BOC: variants seen among roughly 807,000 people sequenced by gnomAD.
BOC encodes brother of CDO.
Under a neutral mutation model 112.0 loss-of-function variants are expected in BOC, and 76 were observed. The observed-to-expected ratio is 0.68, with a 90% CI of 0.56 to 0.82. BOC has a LOEUF of 0.82. Ranked by LOEUF, BOC falls within the 40% of genes least tolerant of loss-of-function variation. The pLI, the probability that BOC is intolerant of heterozygous loss-of-function variation, is 0.00. For synonymous variants in BOC, 580 were observed against 599.8 expected (o/e 0.97, Z 0.48); for missense variants, 1,309 against 1,511.7 (o/e 0.87, Z 2.22).
At position 113,250,583 on chromosome 3, in the gene BOC, T is replaced by C. The variant is rs754585082; in HGVS notation, c.126T>C (p.Pro42=). Residue 42 remains proline (P), a synonymous_variant, in exon 4 of 20, where the codon CCT becomes CCC. Transcript: ENST00000682979. The stretch of plus-strand genomic sequence containing the variant: ...AGGTCCCTCAGGTCACCGTCCAGCC[T>C]GCGTCCACCGTCCAGAAGCCCGGAG... ...LNEVPQVTVQ[P]ASTVQKPGGT... 5.6e-6 allele frequency: 9 copies of C among 1,613,712 alleles called. No homozygotes were observed. The highest frequency in any genetic ancestry group is 7.6e-6 in the Non-Finnish European group (9 of 1,179,844).
chr3:113,257,417 A>G (rs544748642), intron 4 of BOC, among the ~76,000 whole-genome samples: 44 of 152,324 alleles, frequency 2.9e-4, no homozygotes, highest in African/African-American at 1.0e-3. Context: ...TGGCAGAGGC[A>G]TATTGTTTGG....
At chr3:113,260,149 G>A (rs1412808775) in intron 4 of BOC, among the ~76,000 whole-genome samples, 1 of 152,046 alleles carries the variant, frequency 6.6e-6, no homozygotes, top group African/African-American at 2.4e-5. Flanking sequence ...CTGTCCACGG[G>A]GCCTGGCACA....
Position 113,283,399 on chromosome 3 carries a change from C to A in BOC, c.2435-12C>A. 1.9e-6 allele frequency: 3 copies of A among 1,578,450 alleles called. No homozygotes were observed. The highest frequency in any genetic ancestry group is 1.7e-6 in the Non-Finnish European group (2 of 1,157,842). ...AAACATATGCTGAAGTGAGTTTTGT[C>A]CACAATTACAGCTCGGAAGTCTTCT... is the stretch of plus-strand genomic sequence containing the variant. On this transcript the variant is annotated splice_polypyrimidine_tract_variant and intron_variant, in intron 15 of 19. Coordinates refer to ENST00000682979, the MANE Select transcript of BOC (RefSeq NM_001378074.1).
At chr3:113,272,116 C>T in intron 6 of BOC, 1 of 485,508 alleles carries the variant, frequency 2.1e-6, no homozygotes, top group Admixed American at 3.4e-5. Context: ...ACTCCCTCAC[C>T]TTTCTCTCTT....
chr3:113,247,240 G>A (rs1019109321), intron 2 of BOC, among the ~76,000 whole-genome samples: 23 of 152,044 alleles, frequency 1.5e-4, no homozygotes, highest in African/African-American at 5.3e-4. Context: ...TTAAGGGCCT[G>A]GGGAAATTGG....
rs768341516 is a variant in BOC at position 113,286,830 on chromosome 3, G to T, written c.3316G>T (p.Val1106Leu). 2.5e-6 allele frequency: 4 copies of T among 1,602,632 alleles called. No individual in the cohort carries two copies. The highest frequency in any genetic ancestry group is 3.4e-6 in the Non-Finnish European group (4 of 1,175,350). The stretch of plus-strand genomic sequence containing the variant: ...GCTCTCCCCGGGGCCACTGGTGCGT[G>T]TGTCTTTTGAAACACCACCTCTCAC... ...MQLSPGPLVR[V>L]SFETPPLTI is the part of the protein sequence containing the mutation. The change falls in exon 20 of 20, where the codon GTG becomes TTG. Residue 1106 changes from valine to leucine, a missense_variant. By Grantham distance (32) the Val-to-Leu change is conservative. Coordinates refer to ENST00000682979, the MANE Select transcript of BOC (RefSeq NM_001378074.1).
chr3:113,257,964 A>G (rs2107498408), intron 4 of BOC, among the ~76,000 whole-genome samples: 3 of 152,346 alleles, frequency 2.0e-5, no homozygotes, highest in East Asian at 3.9e-4. Flanking sequence ...GCCATTGAAC[A>G]TCTCTCAGTC....
intron 9 of BOC, among the ~76,000 whole-genome samples, chr3:113,275,711 C>A (rs114497431): frequency 2.9e-4 from 44 of 152,328 alleles, no homozygotes; most frequent in African/African-American, 9.9e-4. Context: ...CACTCCTCCC[C>A]ACCTCCACAA....
At chr3:113,254,727 T>G (rs909182737) in intron 4 of BOC, among the ~76,000 whole-genome samples, 1 of 152,246 alleles carries the variant, frequency 6.6e-6, no homozygotes, top group Admixed American at 6.5e-5. Context: ...CACAAAGCAG[T>G]TGCTGTCTGG....
intron 4 of BOC, among the ~76,000 whole-genome samples, chr3:113,265,691 A>T (rs1314870646): frequency 1.3e-5 from 2 of 152,238 alleles, no homozygotes; most frequent in Admixed American, 1.3e-4. Context: ...CTCATTAGCT[A>T]TCTTGGCTGA....
Position 113,281,036 on chromosome 3 carries a change from A to AG in BOC, c.2317_2318insG (p.Lys773ArgfsTer18). 3.1e-6 allele frequency: 5 copies of AG among 1,614,034 alleles called. No individual in the cohort carries two copies. Among genetic ancestry groups the AG allele is most frequent in the Non-Finnish European group, 4.2e-6 (5 of 1,180,008 alleles). ...TCTCTGACTCTGTTTCCCAGGGGAC[A>AG]AGTACTGGCACTCCATCAGCCACCT... On this transcript the variant is annotated frameshift_variant, in exon 15 of 20. Transcript: ENST00000682979. LOFTEE classifies it high-confidence loss of function.
intron 4 of BOC, among the ~76,000 whole-genome samples, chr3:113,266,736 C>T (rs930594695): frequency 6.6e-6 from 1 of 152,168 alleles, no homozygotes; most frequent in Non-Finnish European, 1.5e-5. Flanking sequence ...CAGACAGGAA[C>T]AAAACTCGGT....
chr3:113,274,729 AGCAAG>A lies in BOC; in HGVS notation c.1542+50_1542+54del. 6.6e-7 allele frequency: 1 copy of A among 1,515,906 alleles called. No individual in the cohort carries two copies. Among genetic ancestry groups the A allele is most frequent in the African/African-American group, 1.4e-5 (1 of 72,640 alleles). The allele number at this position is 1,515,906 out of a possible 1,614,324, so 93.9% of individuals were successfully genotyped here. On this transcript the variant is annotated intron_variant, in intron 9 of 19. Coordinates refer to ENST00000682979, the MANE Select transcript of BOC (RefSeq NM_001378074.1). The surrounding 1 kb of genome is among the most constrained non-coding windows in gnomAD (Gnocchi z 4.8). ...GCTGCCTCCCCTGCACAGCCTTTCC[AGCAAG>A]GCTGAGCAGAGTCACTGTCTCTTGG...
intron 1 of BOC, 73 bp from the exon 2 acceptor site, chr3:113,216,114 C>A (rs1939322216): frequency 7.6e-6 from 3 of 392,430 alleles, no homozygotes; most frequent in Non-Finnish European, 1.5e-5. Flanking sequence ...TATATCAATG[C>A]ACCTTGTAAA....
At chr3:113,222,799 C>A (rs1049865367) in intron 2 of BOC, among the ~76,000 whole-genome samples, 1 of 152,204 alleles carries the variant, frequency 6.6e-6, no homozygotes, top group Non-Finnish European at 1.5e-5. Context: ...TCCACTTTGC[C>A]GCCCTCCTCC....
chr3:113,241,641 G>A (rs943826774), intron 2 of BOC, among the ~76,000 whole-genome samples: 6 of 152,160 alleles, frequency 3.9e-5, no homozygotes, highest in South Asian at 2.1e-4. Flanking sequence ...ACCGGGAAGG[G>A]GCAGTGGTGC....
chr3:113,287,414 A>G lies in BOC; in HGVS notation c.*552A>G, dbSNP rs1949777731. ...GCAACATATCTCTGTAAAAACAAAC[A>G]CTGTAACTTCTAAATAAATGTTTAG... On this transcript the variant is annotated 3_prime_UTR_variant, in exon 20 of 20. Transcript: ENST00000682979. The G allele has an allele frequency of 6.4e-6, 1 of 156,340 alleles. No homozygotes were observed. 9.7% of individuals were successfully genotyped at this position (156,340 alleles called of 1,614,324 possible). A position where few individuals can be genotyped will look rare whatever the true frequency, so the allele number is the denominator to read the frequency against.
intron 1 of BOC, among the ~76,000 whole-genome samples, chr3:113,215,982 C>T (rs374059326): frequency 4.6e-5 from 7 of 152,204 alleles, no homozygotes; most frequent in Non-Finnish European, 7.4e-5. Flanking sequence ...GTTCTTAATC[C>T]GTTGTTCATT....
At chr3:113,219,106 C>T (rs1940063222) in intron 2 of BOC, among the ~76,000 whole-genome samples, 1 of 152,216 alleles carries the variant, frequency 6.6e-6, no homozygotes. Flanking sequence ...GTTTATGTGG[C>T]AAGCCTCCCT....
Sources: gnomAD v4.1 joint callset for allele counts (sites outside exome capture counted in the v4.1 genomes callset) on GRCh38, gnomAD v4.1.1 for gene constraint, Gnocchi (gnomAD v3.1) non-coding constraint, MANE v1.5 for transcripts, NCBI Gene and HGNC (gene_info 2026-07-23, HGNC 2026-07-21) for gene names.